INPP4B: variants seen among roughly 807,000 people sequenced by gnomAD.
INPP4B encodes the protein inositol polyphosphate 4-phosphatase type II.
Under a neutral mutation model 122.5 loss-of-function variants are expected in INPP4B, and 55 were observed. The observed-to-expected ratio is 0.45, with a 90% CI of 0.36 to 0.56. The LOEUF (loss-of-function observed/expected upper bound fraction) is 0.56. Ranked by LOEUF, INPP4B falls within the 20% of genes least tolerant of loss-of-function variation. INPP4B has a pLI of 0.00. For synonymous variants in INPP4B, 403 were observed against 388.7 expected, an observed-to-expected ratio of 1.04 and a Z score of -0.43; for missense variants, 1,000 against 1,097.7, an observed-to-expected ratio of 0.91 and a Z score of 1.26.
At chr4:142,660,989 C>G (rs765766946) in intron 2 of INPP4B, 1 of 152,308 alleles carries the variant, frequency 6.6e-6, no homozygotes, top group South Asian at 2.1e-4. Context: ...AATGAGACAG[C>G]CAGTGGGAGG....
chr4:142,845,708 C>T (rs929527771), intron 1 of INPP4B, among the ~76,000 whole-genome samples: 7 of 152,066 alleles, frequency 4.6e-5, no homozygotes, highest in African/African-American at 1.7e-4. Context: ...GCCTCTATTC[C>T]TTAAGGACTT....
At chr4:142,600,619 T>A (rs1739698183) in intron 2 of INPP4B, among the ~76,000 whole-genome samples, 1 of 151,678 alleles carries the variant, frequency 6.6e-6, no homozygotes, top group Non-Finnish European at 1.5e-5. Flanking sequence ...ACAAGGACGA[T>A]CAAGAGAAAA....
intron 5 of INPP4B, among the ~76,000 whole-genome samples, chr4:142,410,225 C>T (rs1345409473): frequency 3.3e-5 from 5 of 152,164 alleles, no homozygotes; most frequent in African/African-American, 1.2e-4. Context: ...AGTTGTAAAG[C>T]ATACATTAGA....
intron 2 of INPP4B, among the ~76,000 whole-genome samples, chr4:142,482,613 G>A (rs539014564): frequency 6.6e-6 from 1 of 152,128 alleles, no homozygotes; most frequent in African/African-American, 2.4e-5. Flanking sequence ...TTTTCTCTAA[G>A]AGACACTGAT....
rs922881196 is a variant in INPP4B at position 142,052,866 on chromosome 4, G to A, written c.2643-23952C>T. The stretch of plus-strand genomic sequence containing the variant: ...TTCAGCAATTCTATATTTGCTTGTC[G>A]AATTCTACCTCTTAATTTCTAACTC... On this transcript the variant is annotated intron_variant, in intron 25 of 25. Transcript: ENST00000262992. Among the ~76,000 whole-genome samples the A allele has an allele frequency of 2.0e-4, 31 of 151,900 alleles. 1 individual carries two copies. The highest frequency in any genetic ancestry group is 7.5e-4 in the African/African-American group (31 of 41,370).
chr4:142,802,694 A>ATGTCAACTT (rs1778157669), intron 1 of INPP4B, among the ~76,000 whole-genome samples: 1 of 152,004 alleles, frequency 6.6e-6, no homozygotes, highest in African/African-American at 2.4e-5. Flanking sequence ...ACAGGCTAAG[A>ATGTCAACTT]TGTCAACTTA....
intron 2 of INPP4B, among the ~76,000 whole-genome samples, chr4:142,690,640 C>A (rs1760041301): frequency 6.6e-6 from 1 of 152,288 alleles, no homozygotes; most frequent in Middle Eastern, 3.4e-3. Context: ...TGCTGGAGAA[C>A]TGGCAAAAAG....
intron 7 of INPP4B, chr4:142,384,195 G>A: frequency 1.4e-6 from 1 of 691,860 alleles, no homozygotes; most frequent in Non-Finnish European, 2.6e-6. Context: ...AGTACATGTG[G>A]GTTAAGACAA....
intron 9 of INPP4B, among the ~76,000 whole-genome samples, chr4:142,272,256 A>G (rs1746215070): frequency 6.6e-6 from 1 of 152,140 alleles, no homozygotes; most frequent in Non-Finnish European, 1.5e-5. Flanking sequence ...GCTAATTAAA[A>G]TAACCAATAA....
chr4:142,497,647 A>G (rs1456270047), intron 2 of INPP4B, among the ~76,000 whole-genome samples: 1 of 152,230 alleles, frequency 6.6e-6, no homozygotes, highest in Non-Finnish European at 1.5e-5. Flanking sequence ...AAGTAAAACT[A>G]TGTCTAAATT....
intron 25 of INPP4B, among the ~76,000 whole-genome samples, chr4:142,080,349 T>C (rs1370794690): frequency 6.6e-6 from 1 of 152,106 alleles, no homozygotes; most frequent in East Asian, 1.9e-4. Context: ...TCATCTTATT[T>C]TCTTTAAATA....
chr4:142,790,198 A>C (rs988256095), intron 1 of INPP4B, among the ~76,000 whole-genome samples: 4 of 152,162 alleles, frequency 2.6e-5, no homozygotes, highest in African/African-American at 9.6e-5. Context: ...AAGAACCCAA[A>C]AGCAAATCCA....
chr4:142,656,952 T>C (rs1754268737), intron 2 of INPP4B, among the ~76,000 whole-genome samples: 1 of 152,206 alleles, frequency 6.6e-6, no homozygotes, highest in Non-Finnish European at 1.5e-5. Context: ...TGGTTTGTGT[T>C]GCAAGCCTCC....
At chr4:142,516,798 G>T (rs768559422) in intron 2 of INPP4B, among the ~76,000 whole-genome samples, 1 of 151,514 alleles carries the variant, frequency 6.6e-6, no homozygotes, top group East Asian at 1.9e-4. Context: ...GTTACTACTG[G>T]TTGGCTGCAT....
chr4:142,423,162 A>T (rs771810898), intron 5 of INPP4B, among the ~76,000 whole-genome samples: 152 of 152,214 alleles, frequency 1.0e-3, no homozygotes, highest in Admixed American at 2.7e-3. Flanking sequence ...AGGATTGTGA[A>T]CATAGAAGAT....
chr4:142,198,970 C>A (rs1839575243), intron 14 of INPP4B, among the ~76,000 whole-genome samples: 1 of 151,958 alleles, frequency 6.6e-6, no homozygotes, highest in Admixed American at 6.6e-5. Context: ...ACATAGAGAT[C>A]TTTGTGTAAT....
chr4:142,282,350 A>G (rs1751588166), intron 9 of INPP4B, among the ~76,000 whole-genome samples: 1 of 152,156 alleles, frequency 6.6e-6, no homozygotes, highest in African/African-American at 2.4e-5. Flanking sequence ...GGTGGGGAAG[A>G]AAGGACTAGA....
At chr4:142,324,396 C>T (rs1403007755) in intron 7 of INPP4B, among the ~76,000 whole-genome samples, 1 of 152,078 alleles carries the variant, frequency 6.6e-6, no homozygotes, top group Non-Finnish European at 1.5e-5. Context: ...CTTCTCAGCC[C>T]TGAAAAAGTG....
chr4:142,229,105 C>T (rs548308459), intron 12 of INPP4B, among the ~76,000 whole-genome samples: 8 of 151,082 alleles, frequency 5.3e-5, no homozygotes, highest in Non-Finnish European at 1.2e-4. Context: ...AAGATGTACA[C>T]GAATATGTAT....
Sources: allele counts gnomAD v4.1 joint callset (sites outside exome capture counted in the v4.1 genomes callset), GRCh38; gene constraint gnomAD v4.1.1; transcripts MANE v1.5; gene names NCBI Gene and HGNC (gene_info 2026-07-23, HGNC 2026-07-21).